The following USP8 variants were observed in gnomAD, a reference collection of about 807,000 sequenced individuals.
USP8 encodes the protein ubiquitin carboxyl-terminal hydrolase 8.
Under a neutral mutation model 130.0 loss-of-function variants are expected in USP8, and 27 were observed. The ratio of observed to expected loss-of-function variants is 0.21; its 90% CI spans 0.15 to 0.29. The LOEUF is 0.29. Ranked by LOEUF, USP8 falls within the 10% of genes least tolerant of loss-of-function variation. The pLI is 1.00. For missense variants in USP8, 1,029 were observed against 1,312.2 expected, an observed-to-expected ratio of 0.78 and a Z score of 3.33; for synonymous variants, 392 against 444.1, an observed-to-expected ratio of 0.88 and a Z score of 1.48.
Position 50,465,206 on chromosome 15 carries a change from A to G in USP8, c.686+15A>G, listed in dbSNP as rs1334874859. The G allele has an allele frequency of 2.5e-6, 4 of 1,610,358 alleles. No individual in the cohort carries two copies. Among genetic ancestry groups the G allele is most frequent in the Non-Finnish European group, 3.4e-6 (4 of 1,178,256 alleles). On this transcript the variant is annotated intron_variant, in intron 7 of 19. Coordinates refer to ENST00000307179, the MANE Select transcript of USP8 (RefSeq NM_005154.5). ...ATCAGTCCAGGGTGGGTTATTGTGTAGTAAAGTAGTAAACTGTGTAGTAAG... is the reference window on the plus strand; with the variant it reads ...ATCAGTCCAGGGTGGGTTATTGTGTGGTAAAGTAGTAAACTGTGTAGTAAG...
intron 16 of USP8, among the ~76,000 whole-genome samples, chr15:50,494,690 C>T (rs1366520517): frequency 2.0e-5 from 3 of 152,144 alleles, no homozygotes; most frequent in Non-Finnish European, 2.9e-5. Flanking sequence ...GAAAGTGGAA[C>T]ATGCCTTTAT....
At position 50,434,300 on chromosome 15, in the gene USP8, A is replaced by T. The variant is rs140893062; in HGVS notation, c.-65-4709A>T. ...GTATTTTTAGTAGAGATGAGGTTTC[A>T]CCATGTTGGCCAGGCTGGTCTCAAA... On this transcript the variant is annotated intron_variant, in intron 1 of 19. Transcript: ENST00000307179. Among the ~76,000 whole-genome samples the T allele has an allele frequency of 5.4e-3, 821 of 151,560 alleles. 6 individuals are homozygous for T. The highest frequency in any genetic ancestry group is 0.019 in the African/African-American group (789 of 41,282).
chr15:50,458,911 G>T, intron 4 of USP8, 89 bp from the exon 5 acceptor site: 1 of 1,513,072 alleles, frequency 6.6e-7, no homozygotes, highest in South Asian at 1.2e-5. Context: ...ATACCTCAAG[G>T]CAGGATACTA....
chr15:50,427,227 C>T (rs1184041151), intron 1 of USP8, among the ~76,000 whole-genome samples: 1 of 152,112 alleles, frequency 6.6e-6, no homozygotes, highest in East Asian at 1.9e-4. Flanking sequence ...TGAGCCACCG[C>T]GCCTGACCCA....
chr15:50,463,643 G>A (rs2051086775), intron 6 of USP8: 1 of 152,128 alleles, frequency 6.6e-6, no homozygotes, highest in African/African-American at 2.4e-5. Context: ...CTGCTTAAAT[G>A]TTGTCCTTCT....
rs765494568 is a variant in USP8, at chr15:50,492,891, T to C, written c.2425T>C (p.Cys809Arg). 4 of 1,613,910 alleles carry C rather than the reference T, an allele frequency of 2.5e-6. No homozygotes were observed. Among genetic ancestry groups the C allele is most frequent in the Non-Finnish European group, 2.5e-6 (3 of 1,179,948 alleles). Residue 809 changes from cysteine (C) to arginine (R), a missense_variant, in exon 15 of 20, where the codon TGT becomes CGT. Around this residue, in one of 4 missense-constraint regions of USP8, gnomAD observed 257 missense variants for 429.8 expected, o/e 0.60. Coordinates refer to ENST00000307179, the MANE Select transcript of USP8 (RefSeq NM_005154.5). ...PHLADYFNRN[C>R]YQDDINRSNL... ...TTTGGCTGATTATTTCAACCGAAAC[T>C]GTTATCAGGATGATATTAACAGGTA...
At chr15:50,490,937 A>G (rs1176035528) in intron 14 of USP8, among the ~76,000 whole-genome samples, 1 of 152,202 alleles carries the variant, frequency 6.6e-6, no homozygotes. Flanking sequence ...AATGTAAGCG[A>G]AGTTTTCCTA....
intron 4 of USP8, among the ~76,000 whole-genome samples, chr15:50,453,806 T>C (rs1326707206): frequency 1.3e-5 from 2 of 152,052 alleles, no homozygotes; most frequent in Non-Finnish European, 1.5e-5. Flanking sequence ...AGTTACAGTT[T>C]CTTGATGAAT....
intron 4 of USP8, among the ~76,000 whole-genome samples, chr15:50,453,280 C>T (rs2050681190): frequency 6.6e-6 from 1 of 152,234 alleles, no homozygotes; most frequent in Non-Finnish European, 1.5e-5. Context: ...ATGGGTTCAT[C>T]ATTCACTTTT....
At position 50,508,354 on chromosome 15, in the gene USP8, T is replaced by G. The variant is rs573438020; in HGVS notation, c.*9266T>G. On this transcript the variant is annotated 3_prime_UTR_variant, in exon 20 of 20. Coordinates refer to ENST00000307179, the MANE Select transcript of USP8 (RefSeq NM_005154.5). The stretch of plus-strand genomic sequence containing the variant: ...GAGAGTGGGTCAGTATTAAGATGAA[T>G]TGATCATTTATTTTATATTCAAATA... 6.6e-6 allele frequency: 1 copy of G among 152,212 alleles called. No individual in the cohort carries two copies. The highest frequency in any genetic ancestry group is 1.5e-5 in the Non-Finnish European group (1 of 68,044). 9.4% of individuals were successfully genotyped at this position (152,212 alleles called of 1,614,324 possible).
Position 50,508,714 on chromosome 15 carries a change from T to G in USP8, c.*9626T>G, listed in dbSNP as rs1383669591. The G allele has an allele frequency of 6.6e-6, 1 of 152,178 alleles. No homozygotes were observed. The highest frequency in any genetic ancestry group is 2.4e-5 in the African/African-American group (1 of 41,440). The allele number at this position is 152,178 out of a possible 1,614,324, so 9.4% of individuals were successfully genotyped here. On this transcript the variant is annotated 3_prime_UTR_variant, in exon 20 of 20. Transcript: ENST00000307179. ...GTTTTAAGACAAAATAATTTGGATG[T>G]TAGCCTGCCACAGTGGTTCATGCCT...
intron 8 of USP8, among the ~76,000 whole-genome samples, chr15:50,472,813 G>A (rs1244654228): frequency 6.6e-6 from 1 of 152,050 alleles, no homozygotes; most frequent in East Asian, 1.9e-4. Context: ...AGAAGGCTGA[G>A]GTAGGAGAAT....
chr15:50,451,147 C>T (rs570109089), intron 4 of USP8, among the ~76,000 whole-genome samples: 2 of 152,238 alleles, frequency 1.3e-5, no homozygotes, highest in South Asian at 4.1e-4. Context: ...ATGGCTCAGT[C>T]CTGTAATGCC....
At chr15:50,467,322 A>G (rs1272387487) in intron 7 of USP8, among the ~76,000 whole-genome samples, 1 of 152,186 alleles carries the variant, frequency 6.6e-6, no homozygotes, top group Non-Finnish European at 1.5e-5. Context: ...GAAACTCAAG[A>G]TGATTTTAGG....
intron 2 of USP8, among the ~76,000 whole-genome samples, chr15:50,440,559 T>C (rs1170171695): frequency 6.6e-6 from 1 of 152,184 alleles, no homozygotes; most frequent in East Asian, 1.9e-4. Context: ...CTATTATTAT[T>C]ACTCTGTAAT....
At chr15:50,480,530 T>G (rs1444336436) in intron 10 of USP8, among the ~76,000 whole-genome samples, 1 of 152,126 alleles carries the variant, frequency 6.6e-6, no homozygotes, top group Non-Finnish European at 1.5e-5. Flanking sequence ...ACCAGGGAAG[T>G]CTTTTCAGAG....
At chr15:50,490,664 GAACAA>G (rs2052126789) in intron 14 of USP8, 139 bp downstream of exon 14, 2 of 1,131,120 alleles carry the variant, frequency 1.8e-6, no homozygotes, top group Non-Finnish European at 1.2e-6. Context: ...TTACCACAGA[GAACAA>G]AACAAATGAA....
At chr15:50,453,062 A>G (rs1228336703) in intron 4 of USP8, among the ~76,000 whole-genome samples, 1 of 152,252 alleles carries the variant, frequency 6.6e-6, no homozygotes, top group Non-Finnish European at 1.5e-5. Flanking sequence ...ATAGGAATAC[A>G]TGCTTGCTAT....
In USP8 at chr15:50,435,282, A is replaced by T. The variant is rs185864874; in HGVS notation, c.-65-3727A>T. ...ACCAATGGCCGATTGGGAATATTTT[A>T]AAAAAATAATTGGATCTGTACTGAA... On this transcript the variant is annotated intron_variant, in intron 1 of 19. Coordinates refer to ENST00000307179, the MANE Select transcript of USP8 (RefSeq NM_005154.5). Among the ~76,000 whole-genome samples the T allele has an allele frequency of 3.0e-3, 462 of 152,326 alleles. 3 individuals carry two copies. The highest frequency in any genetic ancestry group is 0.011 in the African/African-American group (437 of 41,578).
Sources: gnomAD v4.1 joint callset for allele counts (sites outside exome capture counted in the v4.1 genomes callset) on GRCh38, gnomAD v4.1.1 for gene constraint, gnomAD v4.1.1 regional missense constraint, MANE v1.5 for transcripts, NCBI Gene and HGNC (gene_info 2026-07-23, HGNC 2026-07-21) for gene names.